Variants in SLC8A1 observed in about 807,000 individuals in gnomAD.
SLC8A1 encodes sodium/calcium exchanger 1.
Under a neutral mutation model 68.3 loss-of-function variants are expected in SLC8A1, and 18 were observed. The ratio of observed to expected loss-of-function variants is 0.26; its 90% CI spans 0.18 to 0.39. The LOEUF is 0.39. Ranked by LOEUF, SLC8A1 falls within the 10% of genes least tolerant of loss-of-function variation. The pLI, the probability that SLC8A1 is intolerant of heterozygous loss-of-function variation, is 1.00. For synonymous variants in SLC8A1, 475 were observed against 415.5 expected (o/e 1.14, Z -1.74); for missense variants, 985 against 1,156.7 (o/e 0.85, Z 2.15).
upstream of SLC8A1, among the ~76,000 whole-genome samples, chr2:40,456,590 T>G (rs1476609534): frequency 6.6e-6 from 1 of 152,170 alleles, no homozygotes; most frequent in Non-Finnish European, 1.5e-5. Context: ...CTTTTTAACC[T>G]CTTAAATCTC....
intron 6 of SLC8A1, 77 bp downstream of exon 9, chr2:40,160,688 G>T: frequency 7.7e-7 from 1 of 1,300,084 alleles, no homozygotes; most frequent in Non-Finnish European, 1.1e-6. Flanking sequence ...CTTTGCCATA[G>T]ACCAAGTAGC....
Position 40,277,821 on chromosome 2 carries a change from T to TATATAC in SLC8A1, c.1809-99967_1809-99966insGTATAT, listed in dbSNP as rs1553469386. ...ATATATATATATATATATATATATATATATATATATTTGTAACATATGGTT... is the reference window on the plus strand; with the variant it reads ...ATATATATATATATATATATATATATATATACATATATATATTTGTAACATATGGTT... On this transcript the variant is annotated intron_variant, in intron 2 of 7. Coordinates refer to ENST00000406785, the Ensembl canonical transcript of SLC8A1. Among the ~76,000 whole-genome samples, 302 of 137,358 alleles carry TATATAC rather than the reference T, an allele frequency of 2.2e-3. 1 individual carries two copies. The highest frequency in any genetic ancestry group is 7.0e-3 in the African/African-American group (265 of 38,090). 90.1% of individuals were successfully genotyped at this position (137,358 alleles called of 152,430 possible).
intron 2 of SLC8A1, among the ~76,000 whole-genome samples, chr2:40,323,435 A>G (rs1575405215): frequency 6.6e-6 from 1 of 152,218 alleles, no homozygotes; most frequent in African/African-American, 2.4e-5. Context: ...CAATTTCCTT[A>G]GCTAAAAATA....
upstream of SLC8A1, among the ~76,000 whole-genome samples, chr2:40,455,290 A>AC (rs1293088734): frequency 6.6e-6 from 1 of 152,238 alleles, no homozygotes; most frequent in Non-Finnish European, 1.5e-5. Flanking sequence ...AAAAATATTT[A>AC]ATACTTTACT....
At chr2:40,136,812 C>T (rs1367772421) in intron 7 of SLC8A1, among the ~76,000 whole-genome samples, 1 of 152,072 alleles carries the variant, frequency 6.6e-6, no homozygotes, top group East Asian at 1.9e-4. Context: ...ACAGCCTGTT[C>T]AATTTTCAGT....
chr2:40,456,958 G>C (rs1425689420), upstream of SLC8A1, among the ~76,000 whole-genome samples: 1 of 152,090 alleles, frequency 6.6e-6, no homozygotes, highest in Non-Finnish European at 1.5e-5. Context: ...TTCTGATTTT[G>C]TAAGTACATA....
At chr2:40,340,805 C>T (rs956304592) in intron 2 of SLC8A1, among the ~76,000 whole-genome samples, 4 of 152,030 alleles carry the variant, frequency 2.6e-5, no homozygotes, top group African/African-American at 7.2e-5. Context: ...GCAGGTAAGC[C>T]TTAGAGGCCT....
intron 2 of SLC8A1, among the ~76,000 whole-genome samples, chr2:40,281,231 T>C (rs1487561800): frequency 6.6e-6 from 1 of 151,530 alleles, no homozygotes; most frequent in South Asian, 2.1e-4. Context: ...TCCTGAGACA[T>C]TTTTGTGGTC....
chr2:40,226,371 T>C (rs914218286), intron 2 of SLC8A1, among the ~76,000 whole-genome samples: 1 of 152,168 alleles, frequency 6.6e-6, no homozygotes, highest in Non-Finnish European at 1.5e-5. Flanking sequence ...CCATGACTTC[T>C]AGGGTAGGCA....
At chr2:40,245,496 G>A (rs142761186) in intron 2 of SLC8A1, among the ~76,000 whole-genome samples, 97 of 152,246 alleles carry the variant, frequency 6.4e-4, no homozygotes, top group African/African-American at 2.3e-3. Context: ...TAGCAATCCT[G>A]GAAGTTGACA....
At chr2:40,410,004 G>A (rs1161880260) in intron 2 of SLC8A1, among the ~76,000 whole-genome samples, 1 of 151,638 alleles carries the variant, frequency 6.6e-6, no homozygotes, top group East Asian at 1.9e-4. Context: ...GAGTGAGAAG[G>A]GAAAAAAAGG....
chr2:40,395,271 A>T (rs1414685437), intron 2 of SLC8A1, among the ~76,000 whole-genome samples: 1 of 152,160 alleles, frequency 6.6e-6, no homozygotes, highest in Non-Finnish European at 1.5e-5. Context: ...GTCCGGCCTG[A>T]GTCTCCTGAC....
chr2:40,476,049 AATG>A (rs1383070702), intron 1 of SLC8A1, among the ~76,000 whole-genome samples: 1 of 152,204 alleles, frequency 6.6e-6, no homozygotes, highest in East Asian at 1.9e-4. Context: ...AAAATAAATA[AATG>A]ATGACAAATA....
chr2:40,389,665 A>C (rs1199115075), intron 2 of SLC8A1, among the ~76,000 whole-genome samples: 1 of 151,874 alleles, frequency 6.6e-6, no homozygotes, highest in Non-Finnish European at 1.5e-5. Flanking sequence ...CTGCCTTTCC[A>C]ATTCCCATGT....
chr2:40,324,970 A>T (rs755223537), intron 2 of SLC8A1, among the ~76,000 whole-genome samples: 3 of 152,056 alleles, frequency 2.0e-5, no homozygotes, highest in Non-Finnish European at 4.4e-5. Flanking sequence ...TCTCCTCTCC[A>T]TGTGCCCTTC....
At chr2:40,438,621 T>A (rs558069983) in intron 1 of SLC8A1, among the ~76,000 whole-genome samples, 1 of 152,206 alleles carries the variant, frequency 6.6e-6, no homozygotes, top group Admixed American at 6.5e-5. Flanking sequence ...AAGGAAGGGA[T>A]GGGAAGGATG....
At chr2:40,510,699 C>A (rs978923184) in intron 1 of SLC8A1, among the ~76,000 whole-genome samples, 1 of 152,128 alleles carries the variant, frequency 6.6e-6, no homozygotes, top group Non-Finnish European at 1.5e-5. Flanking sequence ...TTTATTCTCT[C>A]TCTCTCTTTC....
intron 2 of SLC8A1, among the ~76,000 whole-genome samples, chr2:40,286,190 G>A (rs1210196443): frequency 6.6e-6 from 1 of 152,058 alleles, no homozygotes; most frequent in Non-Finnish European, 1.5e-5. Flanking sequence ...TTCCAGAGGT[G>A]GACTCTTTCA....
chr2:40,472,725 T>C (rs1363288452), intron 1 of SLC8A1, among the ~76,000 whole-genome samples: 1 of 152,132 alleles, frequency 6.6e-6, no homozygotes, highest in Non-Finnish European at 1.5e-5. Flanking sequence ...TGCCAATATA[T>C]TAATAAACAT....
Sources: allele counts gnomAD v4.1 joint callset (sites outside exome capture counted in the v4.1 genomes callset), GRCh38; gene constraint gnomAD v4.1.1; transcripts MANE v1.5; gene names NCBI Gene and HGNC (gene_info 2026-07-23, HGNC 2026-07-21).